NOP10: variants seen among roughly 807,000 people sequenced by gnomAD.
NOP10 encodes the protein NOP10 ribonucleoprotein.
A neutral mutation model predicts 9.5 loss-of-function variants in NOP10; 6 were observed. That is an observed-to-expected ratio of 0.63 (90% CI 0.35 to 1.25). NOP10 has a LOEUF of 1.25. Ranked by LOEUF, NOP10 falls within the 50% of genes most tolerant of loss-of-function variation. NOP10 has a pLI of 0.03. For synonymous variants in NOP10, 28 were observed against 30.7 expected (o/e 0.91, Z 0.29); for missense variants, 75 against 81.3 (o/e 0.92, Z 0.30).
intron 1 of NOP10, among the ~76,000 whole-genome samples, chr15:34,342,444 G>T (rs1200858680): frequency 6.6e-6 from 1 of 150,390 alleles, no homozygotes; most frequent in African/African-American, 2.5e-5. Context: ...CACGCCTGTA[G>T]TCCCAACTAC....
chr15:34,342,459 G>A (rs1890496668), intron 1 of NOP10, among the ~76,000 whole-genome samples: 1 of 148,056 alleles, frequency 6.8e-6, no homozygotes, highest in South Asian at 2.1e-4. Context: ...AACTACTCGG[G>A]AGGCTGAGGC....
In NOP10 at chr15:34,342,003, C is replaced by A; in HGVS notation, c.160G>T (p.Val54Leu). ...GGGCGCGGTTGCTGGGTCATGAGCA[C>A]CTTGAAGCGTTTCTTGATGGTGATT... ...HRITIKKRFK[V>L]LMTQQPRPVL is the part of the protein sequence containing the mutation. The change falls in exon 2 of 2, where the codon GTG (valine) becomes TTG (leucine). Residue 54 changes from valine (V) to leucine (L), a missense_variant. Transcript: ENST00000328848. The A allele has an allele frequency of 1.2e-6, 2 of 1,614,090 alleles. No individual in the cohort carries two copies. Among genetic ancestry groups the A allele is most frequent in the Non-Finnish European group, 1.7e-6 (2 of 1,180,026 alleles).
rs760223677 is a variant in NOP10, at chr15:34,341,762, A to C, written c.*206T>G. ...CTTTAATAATCTTGTAGTAATTTAAAATATGAGAAAAAAAAGTCAAATGTG... is the reference window on the plus strand; with the variant it reads ...CTTTAATAATCTTGTAGTAATTTAACATATGAGAAAAAAAAGTCAAATGTG... On this transcript the variant is annotated 3_prime_UTR_variant, in exon 2 of 2. Coordinates refer to ENST00000328848, the MANE Select transcript of NOP10 (RefSeq NM_018648.4). 8.2e-6 allele frequency: 5 copies of C among 607,942 alleles called. No homozygotes were observed. The highest frequency in any genetic ancestry group is 1.5e-5 in the Non-Finnish European group (5 of 337,920). 37.7% of individuals were successfully genotyped at this position (607,942 alleles called of 1,614,324 possible). A position where few individuals can be genotyped will look rare whatever the true frequency, so the allele number is the denominator to read the frequency against.
In NOP10 at chr15:34,341,819, C is replaced by G. The variant is rs7173; in HGVS notation, c.*149G>C. On this transcript the variant is annotated 3_prime_UTR_variant, in exon 2 of 2. Transcript: ENST00000328848. ...TTATGGGTGATGCCACCATGATTGCCTCACACAAGCATAATCAATCGCCAC... is the reference window on the plus strand; with the variant it reads ...TTATGGGTGATGCCACCATGATTGCGTCACACAAGCATAATCAATCGCCAC... The G allele has an allele frequency of 1.0e-5, 8 of 803,708 alleles. No individual in the cohort carries two copies. In the African/African-American group the frequency reaches 1.2e-4, roughly 12 times the overall value. The allele number at this position is 803,708 out of a possible 1,614,324, so 49.8% of individuals were successfully genotyped here. A position where few individuals can be genotyped will look rare whatever the true frequency, so the allele number is the denominator to read the frequency against.
rs201645774 is a variant in NOP10, at chr15:34,342,149, T to G, written c.55-41A>C. 1.1e-4 allele frequency: 180 copies of G among 1,601,238 alleles called. 1 individual carries two copies. Among genetic ancestry groups the G allele is most frequent in the Non-Finnish European group, 1.4e-4 (166 of 1,168,756 alleles). On this transcript the variant is annotated intron_variant, in intron 1 of 1. Coordinates refer to ENST00000328848, the MANE Select transcript of NOP10 (RefSeq NM_018648.4). ...AGAATGTATGTCAGTACAGGAGTGATGAAATGGGGTGGGGCCAGCGCGAAA... is the reference window on the plus strand; with the variant it reads ...AGAATGTATGTCAGTACAGGAGTGAGGAAATGGGGTGGGGCCAGCGCGAAA...
In NOP10 at chr15:34,341,886, C is replaced by A. The variant is rs1890482042; in HGVS notation, c.*82G>T. The A allele has an allele frequency of 5.5e-6, 8 of 1,450,496 alleles. No homozygotes were observed. The highest frequency in any genetic ancestry group is 6.7e-6 in the Non-Finnish European group (7 of 1,043,122). The allele number at this position is 1,450,496 out of a possible 1,614,324, so 89.9% of individuals were successfully genotyped here. A position where few individuals can be genotyped will look rare whatever the true frequency, so the allele number is the denominator to read the frequency against. ...AAGAGTATGGCTGGCAAAAAGGCAT[C>A]AGGGCTCACAGTCCGAAGAGTTTGG... On this transcript the variant is annotated 3_prime_UTR_variant, in exon 2 of 2. Transcript: ENST00000328848.
intron 1 of NOP10, among the ~76,000 whole-genome samples, chr15:34,342,763 T>G (rs1190066566): frequency 6.6e-6 from 1 of 151,986 alleles, no homozygotes; most frequent in Non-Finnish European, 1.5e-5. Flanking sequence ...CCCAGAATGG[T>G]CGCGAACTCC....
At chr15:34,342,390 A>C (rs1890494994) in intron 1 of NOP10, among the ~76,000 whole-genome samples, 1 of 151,724 alleles carries the variant, frequency 6.6e-6, no homozygotes, top group African/African-American at 2.4e-5. Flanking sequence ...CCAACCAACC[A>C]AACAAAAAAC....
chr15:34,342,243 TA>T (rs1890491526), intron 1 of NOP10, 135 bp from the exon 2 acceptor site: 27 of 862,668 alleles, frequency 3.1e-5, no homozygotes, highest in Admixed American at 1.8e-4. Flanking sequence ...TAGAGAAATA[TA>T]AAATTTAAAA....
Position 34,343,089 on chromosome 15 carries a change from A to G in NOP10, c.-16T>C, listed in dbSNP as rs764894891. 1.9e-6 allele frequency: 3 copies of G among 1,614,122 alleles called. No individual in the cohort carries two copies. The highest frequency in any genetic ancestry group is 1.7e-5 in the Admixed American group (1 of 60,024). ...GGAGAAACATGATCGCTTATAAGCC[A>G]GCGGTCCCAATTCGGTCCACCGCTC... is the stretch of plus-strand genomic sequence containing the variant. On this transcript the variant is annotated 5_prime_UTR_variant, in exon 1 of 2. Coordinates refer to ENST00000328848, the MANE Select transcript of NOP10 (RefSeq NM_018648.4).
Position 34,341,937 on chromosome 15 carries a change from G to C in NOP10, c.*31C>G. ...TTACGGAGTCTCCGAGGGGTAACAGGTGGCAGAAAAGACATCAGTTTAAGG... is the reference window on the plus strand; with the variant it reads ...TTACGGAGTCTCCGAGGGGTAACAGCTGGCAGAAAAGACATCAGTTTAAGG... On this transcript the variant is annotated 3_prime_UTR_variant, in exon 2 of 2. Coordinates refer to ENST00000328848, the MANE Select transcript of NOP10 (RefSeq NM_018648.4). 6.2e-7 allele frequency: 1 copy of C among 1,611,276 alleles called. No homozygotes were observed. The highest frequency in any genetic ancestry group is 8.5e-7 in the Non-Finnish European group (1 of 1,178,894).
Position 34,341,983 on chromosome 15 carries a change from C to T in NOP10, c.180G>A (p.Pro60=). ...KRFKVLMTQQ[P]RPVL is the part of the protein sequence containing the mutation. Reference sequence around the variant, plus strand: ...TAAGGGACCCTCAGAGGACAGGGCGCGGTTGCTGGGTCATGAGCACCTTGA... The same window carrying T: ...TAAGGGACCCTCAGAGGACAGGGCGTGGTTGCTGGGTCATGAGCACCTTGA... The change falls in exon 2 of 2, where the codon CCG becomes CCA. Residue 60 remains proline, a synonymous_variant. Coordinates refer to ENST00000328848, the MANE Select transcript of NOP10 (RefSeq NM_018648.4). 1 of 1,613,986 alleles carries T rather than the reference C, an allele frequency of 6.2e-7. No homozygotes were observed. The highest frequency in any genetic ancestry group is 8.5e-7 in the Non-Finnish European group (1 of 1,179,990).
In NOP10 at chr15:34,343,102, C is replaced by G. The variant is rs1890513491; in HGVS notation, c.-29G>C. On this transcript the variant is annotated 5_prime_UTR_variant, in exon 1 of 2. Transcript: ENST00000328848. Reference sequence around the variant, plus strand: ...CGCTTATAAGCCAGCGGTCCCAATTCGGTCCACCGCTCAGTCTGCAGTGGT... The same window carrying G: ...CGCTTATAAGCCAGCGGTCCCAATTGGGTCCACCGCTCAGTCTGCAGTGGT... 1 of 1,612,212 alleles carries G rather than the reference C, an allele frequency of 6.2e-7. No homozygotes were observed. The highest frequency in any genetic ancestry group is 8.5e-7 in the Non-Finnish European group (1 of 1,178,246).
intron 1 of NOP10, 39 bp from the exon 2 acceptor site, chr15:34,342,147 G>A (rs375442861): frequency 6.2e-7 from 1 of 1,605,522 alleles, no homozygotes; most frequent in African/African-American, 1.3e-5. Context: ...GTACAGGAGT[G>A]ATGAAATGGG....
At chr15:34,342,356 T>C (rs1229931021) in intron 1 of NOP10, among the ~76,000 whole-genome samples, 1 of 151,708 alleles carries the variant, frequency 6.6e-6, no homozygotes, top group Non-Finnish European at 1.5e-5. Flanking sequence ...AAACCTCGTC[T>C]CTACAACAAA....
chr15:34,342,504 C>T (rs1890497666), intron 1 of NOP10, among the ~76,000 whole-genome samples: 1 of 143,592 alleles, frequency 7.0e-6, no homozygotes, highest in East Asian at 2.2e-4. Flanking sequence ...GCGGAGGTTG[C>T]AGTGAGCCGA....
At position 34,341,996 on chromosome 15, in the gene NOP10, ATGAGCACCT is replaced by A; in HGVS notation, c.158_166del (p.Lys53_Leu55del). 1 of 1,614,154 alleles carries A rather than the reference ATGAGCACCT, an allele frequency of 6.2e-7. No individual in the cohort carries two copies. Among genetic ancestry groups the A allele is most frequent in the South Asian group, 1.1e-5 (1 of 91,084 alleles). On this transcript the variant is annotated inframe_deletion, in exon 2 of 2. Transcript: ENST00000328848. ...GAGGACAGGGCGCGGTTGCTGGGTC[ATGAGCACCT>A]TGAAGCGTTTCTTGATGGTGATTCG...
rs753733230 is a variant in NOP10, at chr15:34,343,120, G to A, written c.-47C>T. 2 of 1,575,186 alleles carry A rather than the reference G, an allele frequency of 1.3e-6. No individual in the cohort carries two copies. Among genetic ancestry groups the A allele is most frequent in the South Asian group, 2.2e-5 (2 of 90,324 alleles). The stretch of plus-strand genomic sequence containing the variant: ...CCCAATTCGGTCCACCGCTCAGTCT[G>A]CAGTGGTCCGCCCGACCGCGTCACG... On this transcript the variant is annotated 5_prime_UTR_variant, in exon 1 of 2. Transcript: ENST00000328848.
At position 34,342,023 on chromosome 15, in the gene NOP10, G is replaced by T; in HGVS notation, c.140C>A (p.Thr47Asn). 1.2e-6 allele frequency: 2 copies of T among 1,614,124 alleles called. No individual in the cohort carries two copies. The change falls in exon 2 of 2, where the codon ACC (threonine) becomes AAC (asparagine). Residue 47 changes from threonine (T) to asparagine (N), a missense_variant. Thr to Asn is a moderately conservative substitution (Grantham distance 65). Coordinates refer to ENST00000328848, the MANE Select transcript of NOP10 (RefSeq NM_018648.4). ...PDDKYSRHRI[T>N]IKKRFKVLMT... ...GAGCACCTTGAAGCGTTTCTTGATG[G>T]TGATTCGGTGTCGAGAGTATTTGTC...
Sources: allele counts gnomAD v4.1 joint callset (sites outside exome capture counted in the v4.1 genomes callset), GRCh38; gene constraint gnomAD v4.1.1; transcripts MANE v1.5; gene names NCBI Gene and HGNC (gene_info 2026-07-23, HGNC 2026-07-21).